FGD5: variants seen among roughly 807,000 people sequenced by gnomAD.
The protein encoded by FGD5 is FYVE, RhoGEF and PH domain containing 5, also known as FYVE, RhoGEF and PH domain-containing protein 5.
FGD5 carries 28 observed loss-of-function variants against 133.4 expected under a neutral mutation model. That is an observed-to-expected ratio of 0.21 (90% CI 0.16 to 0.29). The LOEUF (loss-of-function observed/expected upper bound fraction) is 0.29, where lower values mean the gene tolerates loss of function less well. Ranked by LOEUF, FGD5 falls within the 10% of genes least tolerant of loss-of-function variation. The pLI is 1.00. For synonymous variants in FGD5, 810 were observed against 776.5 expected, an observed-to-expected ratio of 1.04 and a Z score of -0.72; for missense variants, 1,858 against 1,895.2, an observed-to-expected ratio of 0.98 and a Z score of 0.36.
chr3:14,902,454 A>G (rs2038258297), intron 9 of FGD5, among the ~76,000 whole-genome samples: 1 of 152,060 alleles, frequency 6.6e-6, no homozygotes, highest in African/African-American at 2.4e-5. Context: ...CTAGGTGGCT[A>G]GGCGTTGGGG....
At chr3:14,826,559 G>A (rs906063883) in intron 1 of FGD5, among the ~76,000 whole-genome samples, 16 of 152,128 alleles carry the variant, frequency 1.1e-4, no homozygotes, top group Non-Finnish European at 2.4e-4. Flanking sequence ...AAAAGGAGAC[G>A]ATCATTGTAC....
intron 1 of FGD5, among the ~76,000 whole-genome samples, chr3:14,848,166 CAT>C (rs985166770): frequency 2.0e-5 from 3 of 152,174 alleles, no homozygotes; most frequent in Admixed American, 6.5e-5. Context: ...GCCCTGAAGA[CAT>C]GTGGGGCTGA....
chr3:14,881,163 G>A (rs1007406855), intron 4 of FGD5, among the ~76,000 whole-genome samples: 3 of 152,134 alleles, frequency 2.0e-5, no homozygotes, highest in African/African-American at 7.2e-5. Context: ...TGGAGAAGGT[G>A]TCTGCCTGGT....
At chr3:14,845,525 A>G (rs1215299975) in intron 1 of FGD5, among the ~76,000 whole-genome samples, 1 of 152,176 alleles carries the variant, frequency 6.6e-6, no homozygotes, top group East Asian at 1.9e-4. Context: ...CTGAAACGTT[A>G]AGAAGTTTCC....
Position 14,821,009 on chromosome 3 carries a change from C to G in FGD5, c.1938C>G (p.Tyr646Ter). The G allele has an allele frequency of 6.2e-7, 1 of 1,613,942 alleles. No individual in the cohort carries two copies. Among genetic ancestry groups the G allele is most frequent in the Non-Finnish European group, 8.5e-7 (1 of 1,179,886 alleles). Reference protein sequence around the residue: ...LLIESDSPDKYKKKKSSFKRF... With the variant: ...LLIESDSPDK The stretch of plus-strand genomic sequence containing the variant: ...TCGAGAGCGACTCCCCGGACAAGTA[C>G]AAGAAGAAGAAGTCATCCTTTAAGC... The change falls in exon 1 of 20, where the codon TAC becomes TAG. Residue 646 changes from tyrosine (Y) to a stop codon, truncating the protein, a stop_gained. Transcript: ENST00000285046. LOFTEE classifies it high-confidence loss of function.
At chr3:14,926,302 C>A in intron 18 of FGD5, 104 bp downstream of exon 18, 1 of 1,478,208 alleles carries the variant, frequency 6.8e-7, no homozygotes, top group Non-Finnish European at 9.2e-7. Context: ...GTCCTGGCTG[C>A]TGAGCCAGTT....
Position 14,821,258 on chromosome 3 carries a change from G to C in FGD5, c.2187G>C (p.Lys729Asn). The C allele has an allele frequency of 6.2e-7, 1 of 1,613,924 alleles. No individual in the cohort carries two copies. The highest frequency in any genetic ancestry group is 8.5e-7 in the Non-Finnish European group (1 of 1,179,886). The change falls in exon 1 of 20, where the codon AAG (lysine) becomes AAC (asparagine). Residue 729 changes from lysine to asparagine, a missense_variant. Around this residue, in one of 3 missense-constraint regions of FGD5, gnomAD observed 1,824 missense variants for 1,848.9 expected, o/e 0.99. Coordinates refer to ENST00000285046, the MANE Select transcript of FGD5 (RefSeq NM_152536.4). ...PSSLIFYRDG[K>N]RKGVPFSRTV... ...CCCTCATCTTTTATAGAGATGGCAA[G>C]AGGAAAGGTGTCCCCTTCAGCAGGA... is the stretch of plus-strand genomic sequence containing the variant.
intron 2 of FGD5, among the ~76,000 whole-genome samples, chr3:14,872,897 G>T (rs1340131199): frequency 6.6e-6 from 1 of 152,200 alleles, no homozygotes; most frequent in Admixed American, 6.5e-5. Context: ...AGCTGCAATT[G>T]TTTCGACATT....
intron 1 of FGD5, among the ~76,000 whole-genome samples, chr3:14,861,011 TAAAA>T (rs982773835): frequency 6.6e-6 from 1 of 152,112 alleles, no homozygotes; most frequent in African/African-American, 2.4e-5. Flanking sequence ...AATACAGTGT[TAAAA>T]GAATACAGCA....
rs374333695 is a variant in FGD5, at chr3:14,819,820, G to A, written c.749G>A (p.Ser250Asn). The A allele has an allele frequency of 6.9e-6, 11 of 1,598,996 alleles. No homozygotes were observed. Among genetic ancestry groups the A allele is most frequent in the Non-Finnish European group, 9.4e-6 (11 of 1,172,946 alleles). The change falls in exon 1 of 20, where the codon AGT (serine) becomes AAT (asparagine). Residue 250 changes from serine (S) to asparagine (N), a missense_variant. By Grantham distance (46) the Ser-to-Asn change is conservative. Transcript: ENST00000285046. The surrounding 1 kb of genome is among the most constrained non-coding windows in gnomAD (Gnocchi z 4.1). ...ATGGGACAGGATGCTGAGGACACCA[G>A]TGAGGAGCCCCCTGAGAAGGAGGAG... ...EDMGQDAEDT[S>N]EEPPEKEELA... is the part of the protein sequence containing the mutation.
At chr3:14,900,917 C>CTT in intron 8 of FGD5, 86 bp from the exon 9 acceptor site, 1 of 1,505,216 alleles carries the variant, frequency 6.6e-7, no homozygotes, top group Non-Finnish European at 9.2e-7. Context: ...CCAAGCTGGG[C>CTT]TTGAGGCCTG....
intron 4 of FGD5, among the ~76,000 whole-genome samples, chr3:14,887,128 A>G (rs1228997304): frequency 6.6e-6 from 1 of 152,128 alleles, no homozygotes; most frequent in African/African-American, 2.4e-5. Flanking sequence ...CCTGTCAGCC[A>G]TGATTATTGG....
At position 14,922,963 on chromosome 3, in the gene FGD5, TAGC is replaced by T. The variant is rs2038715456; in HGVS notation, c.3808-80_3808-78del. ...TCCCTAGGGGCAGTTGTGGGTGGAT[TAGC>T]AGAGGGAGCGGAGGGGAGGGGTGCA... On this transcript the variant is annotated intron_variant, in intron 15 of 19. Coordinates refer to ENST00000285046, the MANE Select transcript of FGD5 (RefSeq NM_152536.4). The surrounding 1 kb of genome is among the most constrained non-coding windows in gnomAD (Gnocchi z 4.1). The T allele has an allele frequency of 6.3e-7, 1 of 1,585,468 alleles. No individual in the cohort carries two copies. The highest frequency in any genetic ancestry group is 8.6e-7 in the Non-Finnish European group (1 of 1,159,948).
At chr3:14,910,335 CCAAA>C (rs1295257434) in intron 10 of FGD5, among the ~76,000 whole-genome samples, 1 of 152,204 alleles carries the variant, frequency 6.6e-6, no homozygotes, top group Non-Finnish European at 1.5e-5. Context: ...TACTTAATTT[CCAAA>C]CAAAGACAAT....
chr3:14,837,946 G>C (rs548273416), intron 1 of FGD5, among the ~76,000 whole-genome samples: 14 of 152,302 alleles, frequency 9.2e-5, no homozygotes, highest in African/African-American at 2.9e-4. Flanking sequence ...AGTGGCTTAA[G>C]ACAACATCTG....
chr3:14,829,714 G>A (rs73814189), intron 1 of FGD5, among the ~76,000 whole-genome samples: 1 of 152,112 alleles, frequency 6.6e-6, no homozygotes, highest in Admixed American at 6.5e-5. Flanking sequence ...AATGAAGTTG[G>A]GGGGAGGTCA....
chr3:14,861,202 C>G (rs1559483725), intron 1 of FGD5, among the ~76,000 whole-genome samples: 2 of 152,192 alleles, frequency 1.3e-5, no homozygotes, highest in South Asian at 2.1e-4. Context: ...CAGGAAGGGA[C>G]AGGAGAATAC....
chr3:14,910,890 A>C lies in FGD5; in HGVS notation c.3366A>C (p.Lys1122Asn). Residue 1122 changes from lysine to asparagine, a missense_variant, in exon 11 of 20, where the codon AAA becomes AAC. Physicochemically the swap from Lys to Asn is moderately conservative, Grantham distance 94. Coordinates refer to ENST00000285046, the MANE Select transcript of FGD5 (RefSeq NM_152536.4). Reference protein sequence around the residue: ...REFLKEGTLMKVTGKNRRPRH... With the variant: ...REFLKEGTLMNVTGKNRRPRH... ...TTCTGAAGGAAGGGACGCTGATGAA[A>C]GTAACAGGGAAAAACAGACGGCCCC... The C allele has an allele frequency of 1.9e-6, 3 of 1,613,554 alleles. No homozygotes were observed. The highest frequency in any genetic ancestry group is 2.5e-6 in the Non-Finnish European group (3 of 1,179,714).
At chr3:14,844,220 AT>A (rs2036993251) in intron 1 of FGD5, among the ~76,000 whole-genome samples, 59 of 16,320 alleles carry the variant, frequency 3.6e-3, no homozygotes, top group African/African-American at 4.7e-3. Context: ...AAAAAAAAAT[AT>A]ATATATATAT....
Sources: allele counts gnomAD v4.1 joint callset (sites outside exome capture counted in the v4.1 genomes callset), GRCh38; gene constraint gnomAD v4.1.1; regional missense constraint gnomAD v4.1.1; non-coding constraint Gnocchi (gnomAD v3.1); transcripts MANE v1.5; gene names NCBI Gene and HGNC (gene_info 2026-07-23, HGNC 2026-07-21).